PPP4R3A: variants seen among roughly 807,000 people sequenced by gnomAD.
PPP4R3A encodes the protein protein phosphatase 4 regulatory subunit 3A.
A neutral mutation model predicts 91.7 loss-of-function variants in PPP4R3A; 15 were observed. The ratio of observed to expected loss-of-function variants is 0.16; its 90% CI spans 0.11 to 0.25. The LOEUF (loss-of-function observed/expected upper bound fraction) is 0.25, where lower values mean the gene tolerates loss of function less well. Among genes scored for constraint, PPP4R3A ranks in the 10% least tolerant of loss-of-function variants. PPP4R3A has a pLI of 1.00. For synonymous variants in PPP4R3A, 377 were observed against 348.7 expected (o/e 1.08, Z -0.91); for missense variants, 623 against 998.4 (o/e 0.62, Z 5.07).
intron 1 of PPP4R3A, among the ~76,000 whole-genome samples, chr14:91,506,441 A>G (rs1188626584): frequency 6.6e-6 from 1 of 152,222 alleles, no homozygotes; most frequent in East Asian, 1.9e-4. Context: ...GTAGGTAGTC[A>G]GTAAATTTTG....
chr14:91,505,395 A>G (rs1298633720), intron 1 of PPP4R3A, among the ~76,000 whole-genome samples: 2 of 151,570 alleles, frequency 1.3e-5, no homozygotes, highest in African/African-American at 4.8e-5. Flanking sequence ...GGTTGCAGTG[A>G]GCCAAGATGA....
At chr14:91,476,587 C>CG in intron 5 of PPP4R3A, 63 bp from the exon 6 acceptor site, 1 of 1,223,218 alleles carries the variant, frequency 8.2e-7, no homozygotes, top group Non-Finnish European at 1.2e-6. Context: ...TTTATTGAGA[C>CG]GGAGTCTTGC....
At chr14:91,479,293 C>CGTGTGTGT (rs3029507) in intron 4 of PPP4R3A, among the ~76,000 whole-genome samples, 2,427 of 144,160 alleles carry the variant, frequency 0.017, 53 homozygotes, top group African/African-American at 0.039. Flanking sequence ...TAAAAAACAA[C>CGTGTGTGT]GTGTGTGTGT....
At chr14:91,508,437 G>A (rs967362369) in intron 1 of PPP4R3A, among the ~76,000 whole-genome samples, 1 of 152,186 alleles carries the variant, frequency 6.6e-6, no homozygotes, top group Non-Finnish European at 1.5e-5. Flanking sequence ...ATACAGAATC[G>A]CTACAATCAT....
chr14:91,478,974 T>C (rs1398376649), intron 4 of PPP4R3A, among the ~76,000 whole-genome samples: 1 of 152,192 alleles, frequency 6.6e-6, no homozygotes, highest in Non-Finnish European at 1.5e-5. Context: ...TCTGCAGCGG[T>C]GCGACCTTGG....
At position 91,475,947 on chromosome 14, in the gene PPP4R3A, A is replaced by C; in HGVS notation, c.1130T>G (p.Val377Gly). 6.3e-7 allele frequency: 1 copy of C among 1,594,982 alleles called. No homozygotes were observed. The highest frequency in any genetic ancestry group is 8.5e-7 in the Non-Finnish European group (1 of 1,174,770). The change falls in exon 7 of 15, where the codon GTG (valine) becomes GGG (glycine). Residue 377 changes from valine (V) to glycine (G), a missense_variant. This residue lies in a region of PPP4R3A where 264 missense variants were observed against 377.3 expected (regional missense o/e 0.70). Transcript: ENST00000554943. ...EVILGMDDTQ[V>G]RSAATDIFSY... Reference sequence around the variant, plus strand: ...GAATATATCAGTAGCAGCACTTCGCACCTGTGTATCATCCATGCCCTGCAG... The same window carrying C: ...GAATATATCAGTAGCAGCACTTCGCCCCTGTGTATCATCCATGCCCTGCAG...
Position 91,490,088 on chromosome 14 carries a change from T to A in PPP4R3A, c.198+659A>T, listed in dbSNP as rs1890146873. ...GGCAATGAGGGAACTGATCTTGACTTCATTGGCTATATAGAGCACTCATCC... is the reference window on the plus strand; with the variant it reads ...GGCAATGAGGGAACTGATCTTGACTACATTGGCTATATAGAGCACTCATCC... On this transcript the variant is annotated intron_variant, in intron 2 of 14. Transcript: ENST00000554943. Among the ~76,000 whole-genome samples, 4 of 152,258 alleles carry A rather than the reference T, an allele frequency of 2.6e-5. No homozygotes were observed. In the South Asian group the frequency reaches 8.3e-4, roughly 32 times the overall value.
intron 1 of PPP4R3A, among the ~76,000 whole-genome samples, chr14:91,494,592 G>T: frequency 6.6e-6 from 1 of 152,218 alleles, no homozygotes; most frequent in South Asian, 2.1e-4. Context: ...GCCAGGCACG[G>T]TGGCTCACGC....
intron 4 of PPP4R3A, among the ~76,000 whole-genome samples, chr14:91,479,344 CAATT>C (rs1889407585): frequency 2.1e-5 from 3 of 142,024 alleles, no homozygotes; most frequent in Non-Finnish European, 3.0e-5. Flanking sequence ...GTGCAAATAA[CAATT>C]CTTTCTTTGT....
At chr14:91,498,406 T>C (rs925132635) in intron 1 of PPP4R3A, among the ~76,000 whole-genome samples, 5 of 152,246 alleles carry the variant, frequency 3.3e-5, no homozygotes, top group African/African-American at 1.2e-4. Context: ...TAATGATATT[T>C]TGTTAACATG....
In PPP4R3A at chr14:91,457,869, T is replaced by A. The variant is rs2140053071; in HGVS notation, c.*890A>T. 1 of 152,756 alleles carries A rather than the reference T, an allele frequency of 6.5e-6. No individual in the cohort carries two copies. Among genetic ancestry groups the A allele is most frequent in the African/African-American group, 2.4e-5 (1 of 41,584 alleles). 9.5% of individuals were successfully genotyped at this position (152,756 alleles called of 1,614,324 possible). On this transcript the variant is annotated 3_prime_UTR_variant, in exon 15 of 15. Transcript: ENST00000554943. ...TTTAGTCACAAAATAGTATTGCTTT[T>A]GTATGCACATAGTTGTAAGATTACT... is the stretch of plus-strand genomic sequence containing the variant.
Position 91,481,773 on chromosome 14 carries a change from G to T in PPP4R3A, c.718C>A (p.Leu240Ile). 1.2e-6 allele frequency: 2 copies of T among 1,613,698 alleles called. No individual in the cohort carries two copies. The highest frequency in any genetic ancestry group is 1.7e-6 in the Non-Finnish European group (2 of 1,179,916). The change falls in exon 4 of 15, where the codon CTA becomes ATA. Residue 240 changes from leucine (L) to isoleucine (I), a missense_variant. This residue lies in a region of PPP4R3A where 264 missense variants were observed against 377.3 expected (regional missense o/e 0.70). Transcript: ENST00000554943. ...LSQPRKHREFLTKTAKFKEVI... is the reference protein window; with the variant it reads ...LSQPRKHREFITKTAKFKEVI... ...TCTTTAAACTTGGCTGTTTTTGTTAGAAATTCCCTGTGTTTTCGTGGTTGT... is the reference window on the plus strand; with the variant it reads ...TCTTTAAACTTGGCTGTTTTTGTTATAAATTCCCTGTGTTTTCGTGGTTGT...
At chr14:91,459,288 TAG>T (rs1464697524) in intron 14 of PPP4R3A, among the ~76,000 whole-genome samples, 2 of 152,032 alleles carry the variant, frequency 1.3e-5, no homozygotes, top group Admixed American at 6.6e-5. Flanking sequence ...GTATTTTTAC[TAG>T]AGACAGGGTT....
intron 12 of PPP4R3A, 22 bp downstream of exon 12, chr14:91,462,713 G>A: frequency 1.2e-6 from 2 of 1,612,872 alleles, no homozygotes; most frequent in Non-Finnish European, 1.7e-6. Context: ...GAACGAATAG[G>A]TTTAAATATA....
chr14:91,476,479 G>A lies in PPP4R3A; in HGVS notation c.1039C>T (p.Pro347Ser). 4 of 1,610,418 alleles carry A rather than the reference G, an allele frequency of 2.5e-6. No individual in the cohort carries two copies. The highest frequency in any genetic ancestry group is 1.3e-5 in the African/African-American group (1 of 74,844). ...EFCAFSQTLQ[P>S]QNRDAFFKTL... The stretch of plus-strand genomic sequence containing the variant: ...TTGAAAAAAGCATCTCTGTTTTGAG[G>A]CTGTAGCGTTTGGGAAAACGCACAA... Residue 347 changes from proline (P) to serine (S), a missense_variant, in exon 6 of 15, where the codon CCT becomes TCT. Pro to Ser is a moderately conservative substitution (Grantham distance 74). Transcript: ENST00000554943.
intron 1 of PPP4R3A, among the ~76,000 whole-genome samples, chr14:91,493,326 A>G (rs1175476561): frequency 6.7e-6 from 1 of 150,248 alleles, no homozygotes; most frequent in African/African-American, 2.5e-5. Flanking sequence ...AAAAAAAAAG[A>G]AAAAGAAAGA....
At chr14:91,476,095 T>C in intron 6 of PPP4R3A, 129 bp from the exon 7 acceptor site, 3 of 890,894 alleles carry the variant, frequency 3.4e-6, no homozygotes, top group Non-Finnish European at 4.9e-6. Flanking sequence ...GAAATTCTTC[T>C]GCATATAAAA....
intron 1 of PPP4R3A, among the ~76,000 whole-genome samples, chr14:91,505,681 C>A (rs1423785183): frequency 1.3e-5 from 2 of 152,082 alleles, no homozygotes; most frequent in Non-Finnish European, 2.9e-5. Flanking sequence ...GGAAAAGCTA[C>A]AAGTAATTTA....
chr14:91,473,150 A>G lies in PPP4R3A; in HGVS notation c.1399-15T>C. The G allele has an allele frequency of 5.0e-6, 8 of 1,613,972 alleles. No homozygotes were observed. Among genetic ancestry groups the G allele is most frequent in the Non-Finnish European group, 6.8e-6 (8 of 1,179,934 alleles). On this transcript the variant is annotated splice_polypyrimidine_tract_variant and intron_variant, in intron 8 of 14. Transcript: ENST00000554943. Reference sequence around the variant, plus strand: ...TTTTCTGTTTTCTAAGGAAACAAGAACAATTCCATGAACTTTAACCACACT... The same window carrying G: ...TTTTCTGTTTTCTAAGGAAACAAGAGCAATTCCATGAACTTTAACCACACT...
Sources: gnomAD v4.1 joint callset for allele counts (sites outside exome capture counted in the v4.1 genomes callset) on GRCh38, gnomAD v4.1.1 for gene constraint, gnomAD v4.1.1 regional missense constraint, MANE v1.5 for transcripts, NCBI Gene and HGNC (gene_info 2026-07-23, HGNC 2026-07-21) for gene names.